The following GALNT14 variants were observed in gnomAD, a reference collection of about 807,000 sequenced individuals.
The protein encoded by GALNT14 is UDP-GalNAc:polypeptide N-acetylgalactosaminyltransferase 14.
Under a neutral mutation model 77.5 loss-of-function variants are expected in GALNT14, and 60 were observed. The observed-to-expected ratio is 0.77, with a 90% CI of 0.63 to 0.96. The LOEUF (loss-of-function observed/expected upper bound fraction) is 0.96. Among genes scored for constraint, GALNT14 ranks in the 40% least tolerant of loss-of-function variants. GALNT14 has a pLI of 0.00. For synonymous variants in GALNT14, 280 were observed against 281.7 expected (o/e 0.99, Z 0.06); for missense variants, 710 against 731.0 (o/e 0.97, Z 0.33).
intron 1 of GALNT14, among the ~76,000 whole-genome samples, chr2:31,077,083 C>A (rs1675849488): frequency 6.6e-6 from 1 of 152,166 alleles, no homozygotes; most frequent in Non-Finnish European, 1.5e-5. Flanking sequence ...TTATTGGATT[C>A]TGCAGAAAAT....
intron 2 of GALNT14, among the ~76,000 whole-genome samples, chr2:30,982,763 G>C (rs181989860): frequency 1.1e-4 from 16 of 152,294 alleles, no homozygotes; most frequent in Admixed American, 9.1e-4. Flanking sequence ...AATTCTTCAA[G>C]ATATACCTGC....
intron 1 of GALNT14, among the ~76,000 whole-genome samples, chr2:31,000,598 T>G (rs1670310558): frequency 6.6e-6 from 1 of 152,160 alleles, no homozygotes; most frequent in Non-Finnish European, 1.5e-5. Context: ...AGGGAAGAGC[T>G]GCAGTTGAAG....
At chr2:31,067,202 C>G (rs772630980) in intron 1 of GALNT14, among the ~76,000 whole-genome samples, 32 of 152,190 alleles carry the variant, frequency 2.1e-4, no homozygotes, top group Non-Finnish European at 3.4e-4. Context: ...GGCAGGGGGC[C>G]AAACAGGAGA....
chr2:31,133,164 T>A (rs887405640), intron 1 of GALNT14, among the ~76,000 whole-genome samples: 5 of 152,108 alleles, frequency 3.3e-5, no homozygotes, highest in African/African-American at 1.2e-4. Flanking sequence ...TGAGTAATAA[T>A]AAAACTCCAG....
At chr2:31,037,641 C>A (rs1218108806) in intron 1 of GALNT14, among the ~76,000 whole-genome samples, 1 of 152,036 alleles carries the variant, frequency 6.6e-6, no homozygotes, top group Non-Finnish European at 1.5e-5. Flanking sequence ...AATCTTTCCC[C>A]AGGGTGTGTT....
Position 30,965,356 on chromosome 2 carries a change from T to C in GALNT14, c.398+848A>G, listed in dbSNP as rs1667939442. Reference sequence around the variant, plus strand: ...GCACAGAATATGTGCGCAGAGGAGCTGGAGTGAGGGCGGCTGCTGTCATTG... The same window carrying C: ...GCACAGAATATGTGCGCAGAGGAGCCGGAGTGAGGGCGGCTGCTGTCATTG... On this transcript the variant is annotated intron_variant, in intron 3 of 14. Coordinates refer to ENST00000349752, the MANE Select transcript of GALNT14 (RefSeq NM_024572.4). 3.4e-5 allele frequency among the ~76,000 whole-genome samples: 5 copies of C among 144,952 alleles called. No homozygotes were observed. The South Asian group carries it at 1.1e-3, about 32-fold the overall frequency.
chr2:30,928,942 T>C (rs566493205), intron 11 of GALNT14, among the ~76,000 whole-genome samples: 59 of 152,296 alleles, frequency 3.9e-4, no homozygotes, highest in Middle Eastern at 3.4e-3. Context: ...TAAACATTCC[T>C]TTCTCTGTCC....
chr2:31,050,949 G>A (rs746504044), intron 1 of GALNT14, among the ~76,000 whole-genome samples: 2 of 152,102 alleles, frequency 1.3e-5, no homozygotes, highest in Non-Finnish European at 2.9e-5. Flanking sequence ...GAAAGGGCAG[G>A]AAACAGAGAG....
At chr2:31,068,654 C>T (rs1675148991) in intron 1 of GALNT14, among the ~76,000 whole-genome samples, 2 of 152,162 alleles carry the variant, frequency 1.3e-5, no homozygotes, top group Non-Finnish European at 2.9e-5. Flanking sequence ...CTGAACAGAG[C>T]AGCTCACCAC....
chr2:31,074,955 G>C (rs1227006746), intron 1 of GALNT14, among the ~76,000 whole-genome samples: 1 of 152,100 alleles, frequency 6.6e-6, no homozygotes, highest in Non-Finnish European at 1.5e-5. Context: ...AATATGGTTG[G>C]GATATTTGTC....
intron 1 of GALNT14, among the ~76,000 whole-genome samples, chr2:31,080,140 T>C (rs1474495175): frequency 6.6e-6 from 1 of 152,182 alleles, no homozygotes; most frequent in Non-Finnish European, 1.5e-5. Flanking sequence ...AAAAGCAGAA[T>C]ATGCAGTGAA....
At chr2:30,949,627 C>T (rs4952008) in intron 6 of GALNT14, among the ~76,000 whole-genome samples, 66,386 of 152,068 alleles carry the variant, frequency 0.44, 15,480 homozygotes, top group African/African-American at 0.6. Context: ...TGGCCATCTA[C>T]CACCCCTGCC....
chr2:31,025,936 C>T (rs1055596507), intron 1 of GALNT14, among the ~76,000 whole-genome samples: 10 of 152,122 alleles, frequency 6.6e-5, no homozygotes, highest in South Asian at 2.1e-4. Context: ...TTAAGGCCTT[C>T]GGCAGATTGG....
intron 4 of GALNT14, among the ~76,000 whole-genome samples, chr2:30,957,242 C>T (rs1169432538): frequency 1.3e-5 from 2 of 152,218 alleles, no homozygotes; most frequent in East Asian, 3.9e-4. Context: ...CATGTTTAAT[C>T]CTTATATAAA....
At chr2:30,943,990 C>T (rs1402376522) in intron 8 of GALNT14, among the ~76,000 whole-genome samples, 1 of 152,234 alleles carries the variant, frequency 6.6e-6, no homozygotes, top group African/African-American at 2.4e-5. Flanking sequence ...TGTGGCAACA[C>T]CAGAGACACA....
At position 31,044,270 on chromosome 2, in the gene GALNT14, T is replaced by C. The variant is rs190244053; in HGVS notation, c.130-51263A>G. On this transcript the variant is annotated intron_variant, in intron 1 of 14. Transcript: ENST00000349752. ...CACTCATCTCACCCGGGCCATCTCA[T>C]TGTGTTCACAAACTCAACACACTGC... Among the ~76,000 whole-genome samples the C allele has an allele frequency of 3.3e-5, 5 of 152,286 alleles. No homozygotes were observed. The East Asian group carries it at 7.7e-4, about 24-fold the overall frequency.
intron 1 of GALNT14, among the ~76,000 whole-genome samples, chr2:31,109,654 T>C (rs533019600): frequency 2.0e-5 from 3 of 152,334 alleles, no homozygotes; most frequent in African/African-American, 4.8e-5. Context: ...CAGATTGTAA[T>C]GGACGCGATG....
rs183864276 is a variant in GALNT14 at position 30,951,846 on chromosome 2, C to T, written c.654+3772G>A. ...ACCTCACCTAGCAGCCCCCAATATC[C>T]AAAGAGACCTGGGGCCCCAGGAACT... On this transcript the variant is annotated intron_variant, in intron 6 of 14. Transcript: ENST00000349752. Among the ~76,000 whole-genome samples the T allele has an allele frequency of 1.5e-3, 233 of 152,228 alleles. 1 individual carries two copies. Among genetic ancestry groups the T allele is most frequent in the African/African-American group, 5.4e-3 (223 of 41,548 alleles).
intron 12 of GALNT14, 26 bp from the exon 13 acceptor site, chr2:30,924,289 G>T: frequency 6.2e-7 from 1 of 1,613,020 alleles, no homozygotes; most frequent in Non-Finnish European, 8.5e-7. Flanking sequence ...AGGGAGAGAG[G>T]AGAGTCCACT....
Sources: allele counts gnomAD v4.1 joint callset (sites outside exome capture counted in the v4.1 genomes callset), GRCh38; gene constraint gnomAD v4.1.1; transcripts MANE v1.5; gene names NCBI Gene and HGNC (gene_info 2026-07-23, HGNC 2026-07-21).